USP43: variants seen among roughly 807,000 people sequenced by gnomAD.
USP43 encodes ubiquitin carboxyl-terminal hydrolase 43.
A neutral mutation model predicts 90.7 loss-of-function variants in USP43; 33 were observed. That is an observed-to-expected ratio of 0.36 (90% CI 0.28 to 0.49). The LOEUF is 0.49. Among genes scored for constraint, USP43 ranks in the 20% least tolerant of loss-of-function variants. The pLI, the probability that USP43 is intolerant of heterozygous loss-of-function variation, is 0.98. For synonymous variants in USP43, 598 were observed against 615.8 expected (o/e 0.97, Z 0.43); for missense variants, 1,274 against 1,476.4 (o/e 0.86, Z 2.25).
chr17:9,674,864 G>A lies in USP43; in HGVS notation c.741-27G>A, dbSNP rs777390507. Reference sequence around the variant, plus strand: ...CCAAATTGTTTACGTGTGATTAAACGTTCGCCTCTGTTCTTCACCCTCACA... The same window carrying A: ...CCAAATTGTTTACGTGTGATTAAACATTCGCCTCTGTTCTTCACCCTCACA... On this transcript the variant is annotated intron_variant, in intron 3 of 14. Transcript: ENST00000285199. This position sits in a 1 kb window ranked among gnomAD's most constrained non-coding sequence, Gnocchi z 4.4. 77 of 1,593,528 alleles carry A rather than the reference G, an allele frequency of 4.8e-5. No homozygotes were observed. The highest frequency in any genetic ancestry group is 3.3e-4 in the Middle Eastern group (2 of 6,012).
intron 14 of USP43, among the ~76,000 whole-genome samples, chr17:9,715,522 G>A (rs1597887811): frequency 6.6e-6 from 1 of 151,846 alleles, no homozygotes. Context: ...GTTTGTGCCT[G>A]TGTGTATGTC....
chr17:9,663,417 C>T (rs1005497126), intron 2 of USP43, among the ~76,000 whole-genome samples: 1 of 151,890 alleles, frequency 6.6e-6, no homozygotes, highest in Non-Finnish European at 1.5e-5. Flanking sequence ...CCTGTCTCAG[C>T]CTCCCAAGTA....
intron 1 of USP43, among the ~76,000 whole-genome samples, chr17:9,646,509 A>G (rs189241769): frequency 5.8e-4 from 88 of 152,278 alleles, no homozygotes; most frequent in African/African-American, 2.1e-3. Context: ...GTTGAAGGCC[A>G]AGGCCTCAGA....
chr17:9,673,370 G>A lies in USP43; in HGVS notation c.741-1521G>A, dbSNP rs112638134. On this transcript the variant is annotated intron_variant, in intron 3 of 14. Transcript: ENST00000285199. ...AAAAAAATACAAAAATTAGCCGGGC[G>A]TGGTGGCAGGCACCTGTAATTCCAG... Among the ~76,000 whole-genome samples, 981 of 152,206 alleles carry A rather than the reference G, an allele frequency of 6.4e-3. 11 individuals are homozygous for A. Among genetic ancestry groups the A allele is most frequent in the African/African-American group, 0.021 (866 of 41,528 alleles).
Position 9,709,048 on chromosome 17 carries a change from A to G in USP43, c.2012-908A>G, listed in dbSNP as rs755719106. The stretch of plus-strand genomic sequence containing the variant: ...ATATATGTGGCCATATGTGACCTGC[A>G]AAGTCTCAATATTTGTCATCTGGTC... On this transcript the variant is annotated intron_variant, in intron 12 of 14. Transcript: ENST00000285199. This position sits in a 1 kb window ranked among gnomAD's most constrained non-coding sequence, Gnocchi z 5.0. 2.0e-5 allele frequency among the ~76,000 whole-genome samples: 3 copies of G among 152,234 alleles called. No individual in the cohort carries two copies. The highest frequency in any genetic ancestry group is 4.4e-5 in the Non-Finnish European group (3 of 68,048).
At chr17:9,695,930 T>C (rs973768433) in intron 9 of USP43, among the ~76,000 whole-genome samples, 20 of 152,308 alleles carry the variant, frequency 1.3e-4, no homozygotes, top group African/African-American at 4.8e-4. Context: ...GGTTCACCCA[T>C]GTTGTAGCAC....
At chr17:9,646,230 C>G in intron 1 of USP43, 94 bp downstream of exon 1, 1 of 1,344,144 alleles carries the variant, frequency 7.4e-7, no homozygotes. Flanking sequence ...TTGGGGCCTT[C>G]TTTAAATGCC....
intron 8 of USP43, among the ~76,000 whole-genome samples, chr17:9,688,392 C>T (rs1914727252): frequency 6.6e-6 from 1 of 150,994 alleles, no homozygotes; most frequent in Admixed American, 6.6e-5. Flanking sequence ...CGCTCTGTCA[C>T]CAGGCTGGAG....
intron 12 of USP43, among the ~76,000 whole-genome samples, chr17:9,704,667 C>A (rs1426624449): frequency 1.3e-5 from 2 of 152,020 alleles, no homozygotes; most frequent in African/African-American, 4.8e-5. Flanking sequence ...TGGGTCCTCA[C>A]CTGGCTTGGC....
intron 8 of USP43, among the ~76,000 whole-genome samples, chr17:9,692,211 T>C (rs944777701): frequency 2.6e-5 from 4 of 151,796 alleles, no homozygotes; most frequent in South Asian, 2.1e-4. Flanking sequence ...ATACAAAAAT[T>C]AGCCAGGTGT....
chr17:9,700,133 C>A (rs748334112), intron 9 of USP43, 39 bp from the exon 10 acceptor site: 5 of 1,547,720 alleles, frequency 3.2e-6, no homozygotes, highest in Non-Finnish European at 3.5e-6. Flanking sequence ...GGGAAGGAGG[C>A]CCCGTGTTTT....
intron 12 of USP43, among the ~76,000 whole-genome samples, chr17:9,706,894 C>T (rs538213127): frequency 4.1e-4 from 62 of 152,052 alleles, no homozygotes; most frequent in African/African-American, 1.0e-3. Flanking sequence ...CTGCCCGCCT[C>T]GGCCTCCCAA....
In USP43 at chr17:9,729,110, ATT is replaced by A. The variant is rs367655692; in HGVS notation, c.*132_*133del. On this transcript the variant is annotated 3_prime_UTR_variant, in exon 15 of 15. Coordinates refer to ENST00000285199, the MANE Select transcript of USP43 (RefSeq NM_153210.5). ...GTTGTCTTGTAATCTCTAAAAAAAA[ATT>A]TTTTTTTTTTTGTGGTGGGGGGTCT... 3.9e-4 allele frequency: 318 copies of A among 824,860 alleles called. No homozygotes were observed. Among genetic ancestry groups the A allele is most frequent in the South Asian group, 9.8e-4 (27 of 27,490 alleles). The allele number at this position is 824,860 out of a possible 1,614,324, so 51.1% of individuals were successfully genotyped here.
At chr17:9,692,033 C>T (rs1838924636) in intron 8 of USP43, among the ~76,000 whole-genome samples, 1 of 150,040 alleles carries the variant, frequency 6.7e-6, no homozygotes, top group African/African-American at 2.5e-5. Context: ...CAGAGCGAGA[C>T]TCCATCTCGA....
At chr17:9,673,768 T>G (rs1913592780) in intron 3 of USP43, among the ~76,000 whole-genome samples, 1 of 152,236 alleles carries the variant, frequency 6.6e-6, no homozygotes, top group Admixed American at 6.5e-5. Flanking sequence ...CAGATTTCTC[T>G]TCTGTAAAAT....
At chr17:9,661,325 T>A (rs919174708) in intron 2 of USP43, among the ~76,000 whole-genome samples, 1 of 152,134 alleles carries the variant, frequency 6.6e-6, no homozygotes, top group Non-Finnish European at 1.5e-5. Flanking sequence ...AGATACACAA[T>A]ACATGTCATC....
chr17:9,709,214 G>T lies in USP43; in HGVS notation c.2012-742G>T, dbSNP rs1426040119. Among the ~76,000 whole-genome samples the T allele has an allele frequency of 6.6e-6, 1 of 152,174 alleles. No individual in the cohort carries two copies. The highest frequency in any genetic ancestry group is 2.4e-5 in the African/African-American group (1 of 41,438). ...ATTTATGAATTTTCCTTAGACGTTT[G>T]ACTTCAGTTCTTAGAAAGAGGTATG... On this transcript the variant is annotated intron_variant, in intron 12 of 14. Coordinates refer to ENST00000285199, the MANE Select transcript of USP43 (RefSeq NM_153210.5). This position sits in a 1 kb window ranked among gnomAD's most constrained non-coding sequence, Gnocchi z 5.0.
chr17:9,724,299 T>C lies in USP43; in HGVS notation c.2336-3655T>C, dbSNP rs530374977. ...TACCTTAACGGGGACCAGAGGAAAG[T>C]TGGGGGGTAGGCTTGTCCCAGGTTG... On this transcript the variant is annotated intron_variant, in intron 14 of 14. Transcript: ENST00000285199. 2.2e-4 allele frequency among the ~76,000 whole-genome samples: 34 copies of C among 152,032 alleles called. No homozygotes were observed. The South Asian group carries it at 7.1e-3, about 32-fold the overall frequency.
intron 2 of USP43, among the ~76,000 whole-genome samples, chr17:9,663,248 C>G (rs923772106): frequency 5.9e-5 from 9 of 151,572 alleles, no homozygotes; most frequent in Non-Finnish European, 2.9e-5. Flanking sequence ...TTAGCCGGAT[C>G]AGAGCAGTCG....
Sources: gnomAD v4.1 joint callset for allele counts (sites outside exome capture counted in the v4.1 genomes callset) on GRCh38, gnomAD v4.1.1 for gene constraint, Gnocchi (gnomAD v3.1) non-coding constraint, MANE v1.5 for transcripts, NCBI Gene and HGNC (gene_info 2026-07-23, HGNC 2026-07-21) for gene names.